The following RGS7 variants were observed in gnomAD, a reference collection of about 807,000 sequenced individuals.
The protein encoded by RGS7 is regulator of G-protein signaling 7.
Under a neutral mutation model 81.1 loss-of-function variants are expected in RGS7, and 27 were observed. The ratio of observed to expected loss-of-function variants is 0.33; its 90% CI spans 0.25 to 0.46. The LOEUF is 0.46. Ranked by LOEUF, RGS7 falls within the 20% of genes least tolerant of loss-of-function variation. The probability of loss-of-function intolerance (pLI) is 1.00; values close to 1 mark genes in which losing one functional copy is unlikely to be tolerated. For missense variants in RGS7, 396 were observed against 607.4 expected, an observed-to-expected ratio of 0.65 and a Z score of 3.66; for synonymous variants, 208 against 207.7, an observed-to-expected ratio of 1.00 and a Z score of -0.01.
chr1:241,044,582 C>T (rs1335740167), intron 3 of RGS7, among the ~76,000 whole-genome samples: 2 of 151,832 alleles, frequency 1.3e-5, no homozygotes, highest in African/African-American at 4.9e-5. Flanking sequence ...CCACCATGCT[C>T]AGCTAATTTT....
chr1:241,004,751 G>A (rs1001086934), intron 3 of RGS7, among the ~76,000 whole-genome samples: 1 of 152,118 alleles, frequency 6.6e-6, no homozygotes, highest in African/African-American at 2.4e-5. Context: ...CTTCCTTCTG[G>A]GTATGGGGCA....
chr1:241,259,667 A>AAT (rs59037983), intron 2 of RGS7, among the ~76,000 whole-genome samples: 9,209 of 48,818 alleles, frequency 0.19, 1,573 homozygotes, highest in East Asian at 0.32. Flanking sequence ...AAAAAAAAAA[A>AAT]ATATATATAT....
At chr1:240,940,330 T>G (rs1418400567) in intron 4 of RGS7, among the ~76,000 whole-genome samples, 1 of 152,192 alleles carries the variant, frequency 6.6e-6, no homozygotes, top group Non-Finnish European at 1.5e-5. Context: ...CATGTAAAAC[T>G]AATAAAATGT....
At chr1:241,155,929 C>T (rs934820698) in intron 2 of RGS7, among the ~76,000 whole-genome samples, 1 of 151,994 alleles carries the variant, frequency 6.6e-6, no homozygotes, top group African/African-American at 2.4e-5. Flanking sequence ...CTTCTTAGTC[C>T]TTTCTTCATG....
chr1:241,223,386 TA>T (rs1367911090), intron 2 of RGS7, among the ~76,000 whole-genome samples: 1 of 152,152 alleles, frequency 6.6e-6, no homozygotes, highest in African/African-American at 2.4e-5. Context: ...CTGATCAAAA[TA>T]AGTAAGAATC....
chr1:241,068,238 G>GTGTGTGTGTATATATATATATATATA, intron 3 of RGS7, among the ~76,000 whole-genome samples: 1 of 35,660 alleles, frequency 2.8e-5, no homozygotes, highest in African/African-American at 9.5e-5. Context: ...GTGTGTGTGT[G>GTGTGTGTGTATATATATATATATATA]TATATATATA....
chr1:240,976,729 ATCT>A, intron 4 of RGS7, among the ~76,000 whole-genome samples: 1 of 60,658 alleles, frequency 1.6e-5, no homozygotes, highest in East Asian at 4.7e-4. Context: ...CAAAATCTCT[ATCT>A]ATCTATCTAT....
At chr1:240,932,192 A>G (rs766246155) in intron 5 of RGS7, among the ~76,000 whole-genome samples, 1 of 152,168 alleles carries the variant, frequency 6.6e-6, no homozygotes, top group Non-Finnish European at 1.5e-5. Context: ...CCCGACTACC[A>G]TCACCCAGGG....
rs1026637480 is a variant in RGS7, at chr1:241,356,316, T to C, written c.-50-490A>G. Among the ~76,000 whole-genome samples, 3 of 152,044 alleles carry C rather than the reference T, an allele frequency of 2.0e-5. 1 individual carries two copies. The highest frequency in any genetic ancestry group is 6.5e-5 in the Admixed American group (1 of 15,272). On this transcript the variant is annotated intron_variant, in intron 1 of 18. Transcript: ENST00000440928. ...CCATCAGAGAGGCCCATTCCCGGTG[T>C]CATTCTCCAGCGCACGGGCTTCCTC...
chr1:241,285,242 G>T (rs771949671), intron 2 of RGS7, among the ~76,000 whole-genome samples: 1 of 152,030 alleles, frequency 6.6e-6, no homozygotes, highest in African/African-American at 2.4e-5. Flanking sequence ...TTGGGGACTT[G>T]TCTTGTCTGT....
chr1:240,797,902 C>G (rs1333962841), intron 18 of RGS7, among the ~76,000 whole-genome samples: 2 of 152,158 alleles, frequency 1.3e-5, no homozygotes, highest in Non-Finnish European at 2.9e-5. Flanking sequence ...CTTGAGACAA[C>G]AAACCCCAAT....
chr1:241,276,088 C>G (rs1284126404), intron 2 of RGS7, among the ~76,000 whole-genome samples: 1 of 152,146 alleles, frequency 6.6e-6, no homozygotes, highest in African/African-American at 2.4e-5. Context: ...TTATCACCTG[C>G]CTCCTATTAA....
rs909060963 is a variant in RGS7 at position 241,279,396 on chromosome 1, T to C, written c.78+76303A>G. Among the ~76,000 whole-genome samples the C allele has an allele frequency of 1.5e-4, 23 of 152,308 alleles. 1 individual carries two copies. Among genetic ancestry groups the C allele is most frequent in the African/African-American group, 3.4e-4 (14 of 41,578 alleles). On this transcript the variant is annotated intron_variant, in intron 2 of 18. Coordinates refer to ENST00000440928, the MANE Select transcript of RGS7 (RefSeq NM_001364886.1). ...TGTGTAAACATGCTCAGTGTTGAAA[T>C]TGTATGACAAAAATAGTCTTCTAAC...
chr1:241,238,646 T>C (rs1022600791), intron 2 of RGS7, among the ~76,000 whole-genome samples: 11 of 152,138 alleles, frequency 7.2e-5, no homozygotes, highest in Non-Finnish European at 1.0e-4. Flanking sequence ...GTGATCCTCC[T>C]GCCTCGGCCT....
intron 9 of RGS7, among the ~76,000 whole-genome samples, chr1:240,851,836 A>G (rs1245719401): frequency 6.6e-6 from 1 of 152,220 alleles, no homozygotes; most frequent in African/African-American, 2.4e-5. Flanking sequence ...AGTGGAGCCT[A>G]CAGATTTGAC....
At chr1:241,049,623 T>C (rs12088961) in intron 3 of RGS7, among the ~76,000 whole-genome samples, 10,872 of 152,194 alleles carry the variant, frequency 0.071, 606 homozygotes, top group African/African-American at 0.15. Flanking sequence ...AGCTTGACCA[T>C]AAAGAAGATG....
chr1:241,191,416 C>G (rs1046069210), intron 2 of RGS7, among the ~76,000 whole-genome samples: 2 of 152,090 alleles, frequency 1.3e-5, no homozygotes, highest in East Asian at 3.8e-4. Flanking sequence ...AACACATTGA[C>G]TGATTTTCAA....
chr1:240,845,009 T>C (rs1362796391), intron 9 of RGS7, among the ~76,000 whole-genome samples: 2 of 152,208 alleles, frequency 1.3e-5, no homozygotes, highest in Non-Finnish European at 2.9e-5. Context: ...ATGTAACTGA[T>C]ATCTTCCAAG....
chr1:241,217,129 G>C (rs1022594673), intron 2 of RGS7, among the ~76,000 whole-genome samples: 1 of 152,144 alleles, frequency 6.6e-6, no homozygotes, highest in Non-Finnish European at 1.5e-5. Flanking sequence ...GGTCATAGGG[G>C]TGGGGCCCTG....
Sources: allele counts gnomAD v4.1 joint callset (sites outside exome capture counted in the v4.1 genomes callset), GRCh38; gene constraint gnomAD v4.1.1; transcripts MANE v1.5; gene names NCBI Gene and HGNC (gene_info 2026-07-23, HGNC 2026-07-21).